DLG2: variants seen among roughly 807,000 people sequenced by gnomAD.
The protein encoded by DLG2 is discs large MAGUK scaffold protein 2.
Under a neutral mutation model 132.5 loss-of-function variants are expected in DLG2, and 45 were observed. That is an observed-to-expected ratio of 0.34 (90% confidence interval 0.27 to 0.44). The LOEUF (loss-of-function observed/expected upper bound fraction) is 0.44. Ranked by LOEUF, DLG2 falls within the 20% of genes least tolerant of loss-of-function variation. The probability of loss-of-function intolerance (pLI) is 1.00; values close to 1 mark genes in which losing one functional copy is unlikely to be tolerated. For missense variants in DLG2, 1,045 were observed against 1,196.9 expected (o/e 0.87, Z 1.87); for synonymous variants, 424 against 419.6 (o/e 1.01, Z -0.13).
At chr11:83,500,660 ATTT>A (rs2094414227) in intron 21 of DLG2, among the ~76,000 whole-genome samples, 1 of 149,876 alleles carries the variant, frequency 6.7e-6, no homozygotes, top group East Asian at 1.9e-4. Context: ...TTATTTATTT[ATTT>A]TATTTACTAA....
At chr11:84,414,553 C>A (rs916308302) in intron 7 of DLG2, among the ~76,000 whole-genome samples, 6 of 152,108 alleles carry the variant, frequency 3.9e-5, no homozygotes, top group Admixed American at 2.0e-4. Flanking sequence ...TCGGACTGAA[C>A]GTTTTCCTCC....
At chr11:84,844,079 G>A (rs752454925) in intron 6 of DLG2, among the ~76,000 whole-genome samples, 2 of 84,514 alleles carry the variant, frequency 2.4e-5, no homozygotes, top group Admixed American at 1.0e-4. Flanking sequence ...GTGTGTGTGT[G>A]TGTGTGTATA....
At chr11:84,466,583 T>G (rs754848775) in intron 7 of DLG2, among the ~76,000 whole-genome samples, 38 of 151,370 alleles carry the variant, frequency 2.5e-4, no homozygotes, top group Non-Finnish European at 3.6e-4. Flanking sequence ...TCCACTGAGA[T>G]ACTCTTTCAT....
intron 14 of DLG2, among the ~76,000 whole-genome samples, chr11:83,949,386 C>A (rs544217049): frequency 1.3e-5 from 2 of 148,148 alleles, no homozygotes; most frequent in Admixed American, 1.4e-4. Context: ...GGATTAATGT[C>A]TTTTTAGATT....
intron 7 of DLG2, among the ~76,000 whole-genome samples, chr11:84,501,059 T>G (rs2099203055): frequency 6.6e-6 from 1 of 152,170 alleles, no homozygotes; most frequent in Admixed American, 6.5e-5. Context: ...TCAGTTTCCT[T>G]TGTTGTTTGA....
At chr11:83,950,847 C>T (rs1420283185) in intron 14 of DLG2, among the ~76,000 whole-genome samples, 1 of 152,148 alleles carries the variant, frequency 6.6e-6, no homozygotes, top group South Asian at 2.1e-4. Context: ...CTGAGCTCCA[C>T]ATAGCTTTCA....
At chr11:85,027,833 G>T (rs2060665840) in intron 6 of DLG2, among the ~76,000 whole-genome samples, 1 of 152,250 alleles carries the variant, frequency 6.6e-6, no homozygotes, top group Admixed American at 6.5e-5. Context: ...GAGCCCCTAG[G>T]TCTGGGATCC....
At chr11:83,480,651 T>TTTAA (rs747500754) in intron 22 of DLG2, 1 of 1,550,536 alleles carries the variant, frequency 6.4e-7, no homozygotes, top group Non-Finnish European at 8.7e-7. Context: ...AGAAAGTATC[T>TTTAA]TTAATTACAA....
At chr11:84,520,837 A>G (rs1339525827) in intron 7 of DLG2, among the ~76,000 whole-genome samples, 6 of 152,156 alleles carry the variant, frequency 3.9e-5, no homozygotes, top group Non-Finnish European at 7.3e-5. Context: ...ATTACTTCCC[A>G]CAATGTGCTT....
At chr11:84,795,444 T>G (rs1394704987) in intron 6 of DLG2, among the ~76,000 whole-genome samples, 1 of 151,968 alleles carries the variant, frequency 6.6e-6, no homozygotes, top group Non-Finnish European at 1.5e-5. Flanking sequence ...GTTTCCTCCC[T>G]GCTGAGAGCT....
At chr11:84,783,516 C>A (rs1422430083) in intron 6 of DLG2, among the ~76,000 whole-genome samples, 2 of 152,164 alleles carry the variant, frequency 1.3e-5, no homozygotes, top group African/African-American at 4.8e-5. Context: ...ATCTTCAGAG[C>A]TCCAAAGTTT....
At chr11:83,790,527 G>A in intron 17 of DLG2, 1 of 1,270,544 alleles carries the variant, frequency 7.9e-7, no homozygotes, top group East Asian at 2.3e-5. Context: ...AACACCAGGA[G>A]CAGAGTTAAA....
rs148610135 is a variant in DLG2 at position 83,798,390 on chromosome 11, T to C, written c.1723-11598A>G. 2.6e-5 allele frequency among the ~76,000 whole-genome samples: 4 copies of C among 152,358 alleles called. No individual in the cohort carries two copies. In the East Asian group the frequency reaches 7.7e-4, roughly 29 times the overall value. ...TGGTACATGGTAGGTACTTACTAAA[T>C]AGTTGCTATGTGTATTATAGCATAT... On this transcript the variant is annotated intron_variant, in intron 17 of 27. Coordinates refer to ENST00000376104, the MANE Select transcript of DLG2 (RefSeq NM_001142699.3).
In DLG2 at chr11:83,650,633, A is replaced by C. The variant is rs1441553058; in HGVS notation, c.1826-17308T>G. On this transcript the variant is annotated intron_variant, in intron 18 of 27. Transcript: ENST00000376104. ...AATCCAATGTTCCCAGATATGAAAA[A>C]AATTTCTTTTTCTTTAAACACGCCA... is the stretch of plus-strand genomic sequence containing the variant. Among the ~76,000 whole-genome samples, 2 of 152,222 alleles carry C rather than the reference A, an allele frequency of 1.3e-5. 1 individual carries two copies. Among genetic ancestry groups the C allele is most frequent in the Admixed American group, 1.3e-4 (2 of 15,286 alleles).
chr11:84,168,591 A>G lies in DLG2; in HGVS notation c.574-5080T>C, dbSNP rs79493349. On this transcript the variant is annotated intron_variant, in intron 8 of 27. Coordinates refer to ENST00000376104, the MANE Select transcript of DLG2 (RefSeq NM_001142699.3). ...AGTGGCTAGCAATGATGACTATGTG[A>G]GTGAGTAAGTAGATAAATCAGTGAA... Among the ~76,000 whole-genome samples, 209 of 152,156 alleles carry G rather than the reference A, an allele frequency of 1.4e-3. 1 individual carries two copies. The highest frequency in any genetic ancestry group is 4.9e-3 in the African/African-American group (204 of 41,476).
chr11:84,577,660 G>A (rs2099505089), intron 6 of DLG2, among the ~76,000 whole-genome samples: 1 of 152,180 alleles, frequency 6.6e-6, no homozygotes, highest in Non-Finnish European at 1.5e-5. Context: ...GCTGTTAAAA[G>A]CATTCCATGT....
intron 11 of DLG2, among the ~76,000 whole-genome samples, chr11:84,025,360 C>A (rs1452810032): frequency 6.6e-6 from 1 of 152,034 alleles, no homozygotes; most frequent in Non-Finnish European, 1.5e-5. Context: ...ATCACAACAA[C>A]AGCACAGGAA....
At chr11:84,786,931 C>T (rs191719445) in intron 6 of DLG2, among the ~76,000 whole-genome samples, 1 of 152,246 alleles carries the variant, frequency 6.6e-6, no homozygotes, top group Non-Finnish European at 1.5e-5. Context: ...CTGTGCACTG[C>T]TCCGGCTTTT....
chr11:83,622,283 C>A (rs1396979038), intron 19 of DLG2, among the ~76,000 whole-genome samples: 2 of 152,154 alleles, frequency 1.3e-5, no homozygotes, highest in African/African-American at 4.8e-5. Context: ...CGGGCCCCTG[C>A]AAATTATGTA....
Sources: gnomAD v4.1 joint callset for allele counts (sites outside exome capture counted in the v4.1 genomes callset) on GRCh38, gnomAD v4.1.1 for gene constraint, MANE v1.5 for transcripts, NCBI Gene and HGNC (gene_info 2026-07-23, HGNC 2026-07-21) for gene names.